The following COL4A6 variants were observed in gnomAD, a reference collection of about 807,000 sequenced individuals.
COL4A6 encodes collagen alpha-6(IV) chain.
Under a neutral mutation model 126.7 loss-of-function variants are expected in COL4A6, and 59 were observed. That is an observed-to-expected ratio of 0.47 (90% CI 0.38 to 0.58). COL4A6 has a LOEUF of 0.58. Among genes scored for constraint, COL4A6 ranks in the 20% least tolerant of loss-of-function variants. COL4A6 has a pLI of 0.00. For missense variants in COL4A6, 1,285 were observed against 1,337.3 expected (o/e 0.96, Z 0.61); for synonymous variants, 547 against 496.6 (o/e 1.10, Z -1.35).
chrX:108,290,507 T>G (rs1308314997), intron 3 of COL4A6, among the ~76,000 whole-genome samples: 2 of 112,506 alleles, frequency 1.8e-5, no homozygotes, highest in African/African-American at 6.5e-5. Flanking sequence ...AGCTAACGTT[T>G]AATGAGTCCT....
chrX:108,427,459 G>A (rs745541762), intron 2 of COL4A6, among the ~76,000 whole-genome samples: 7 of 112,253 alleles, frequency 6.2e-5, no homozygotes, highest in Non-Finnish European at 1.3e-4. Context: ...ATGTCCATCT[G>A]TAGAGACAGG....
intron 4 of COL4A6, 147 bp from the exon 5 acceptor site, chrX:108,219,889 C>G: frequency 2.0e-6 from 1 of 494,985 alleles, no homozygotes. Flanking sequence ...ATTCCTACTG[C>G]AGTTCGAAGT....
At chrX:108,215,434 A>T (rs993584849) in intron 5 of COL4A6, among the ~76,000 whole-genome samples, 7 of 111,367 alleles carry the variant, frequency 6.3e-5, no homozygotes, top group Non-Finnish European at 7.5e-5. Context: ...CAGCTCACTA[A>T]AGTTTGCAAC....
intron 2 of COL4A6, among the ~76,000 whole-genome samples, chrX:108,402,811 T>G (rs907325965): frequency 9.9e-5 from 11 of 111,267 alleles, no homozygotes; most frequent in African/African-American, 1.6e-4. Flanking sequence ...GTTCTAGACG[T>G]ATGGATTTCT....
At chrX:108,174,730 T>G (rs1265664172) in intron 30 of COL4A6, 109 bp from the exon 31 acceptor site, 1 of 679,473 alleles carries the variant, frequency 1.5e-6, no homozygotes, top group Non-Finnish European at 2.2e-6. Context: ...CAGGGAGCAG[T>G]TAGCTTAAAG....
intron 2 of COL4A6, among the ~76,000 whole-genome samples, chrX:108,396,201 GT>G (rs2040959377): frequency 9.0e-6 from 1 of 110,903 alleles, no homozygotes; most frequent in African/African-American, 3.3e-5. Context: ...GGTAAAATCT[GT>G]TTTCCTCAGG....
At chrX:108,198,236 G>A (rs917787720) in intron 13 of COL4A6, among the ~76,000 whole-genome samples, 1 of 111,655 alleles carries the variant, frequency 9.0e-6, no homozygotes, top group African/African-American at 3.3e-5. Flanking sequence ...TTGTTGAACT[G>A]AATGGAATAA....
At chrX:108,322,662 C>T (rs770963552) in intron 2 of COL4A6, among the ~76,000 whole-genome samples, 176 of 112,120 alleles carry the variant, frequency 1.6e-3, no homozygotes, top group African/African-American at 5.3e-3. Context: ...GTTCTTAAAA[C>T]AGAAGCCTCT....
chrX:108,157,353 G>A lies in COL4A6; in HGVS notation c.4813-93C>T, dbSNP rs998854490. On this transcript the variant is annotated intron_variant, in intron 44 of 44. Coordinates refer to ENST00000334504, the MANE Select transcript of COL4A6 (RefSeq NM_033641.4). The stretch of plus-strand genomic sequence containing the variant: ...GCTCCACTGCTACAGGGGCACATGA[G>A]CTCCATTCCTAAGCCCTGGTTCCTT... The A allele has an allele frequency of 6.4e-6, 7 of 1,099,282 alleles. No individual in the cohort carries two copies. In the East Asian group the frequency reaches 1.2e-4, roughly 19 times the overall value. 90.6% of individuals were successfully genotyped at this position (1,099,282 alleles called of 1,213,427 possible).
At chrX:108,249,697 A>AC (rs2036803375) in intron 3 of COL4A6, among the ~76,000 whole-genome samples, 1 of 110,947 alleles carries the variant, frequency 9.0e-6, no homozygotes, top group Non-Finnish European at 1.9e-5. Flanking sequence ...CTTCACATCC[A>AC]CCCCAAAAAT....
At chrX:108,224,783 C>T (rs2036119327) in intron 3 of COL4A6, among the ~76,000 whole-genome samples, 1 of 111,773 alleles carries the variant, frequency 8.9e-6, no homozygotes, top group Non-Finnish European at 1.9e-5. Flanking sequence ...CCTCATTACC[C>T]ATACAGCTAA....
chrX:108,266,807 T>G (rs1181017777), intron 3 of COL4A6, among the ~76,000 whole-genome samples: 1 of 111,498 alleles, frequency 9.0e-6, no homozygotes, highest in Non-Finnish European at 1.9e-5. Context: ...GTAAATCCTA[T>G]GTTTAGGGCA....
At chrX:108,278,516 T>C (rs941261670) in intron 3 of COL4A6, among the ~76,000 whole-genome samples, 10 of 111,099 alleles carry the variant, frequency 9.0e-5, no homozygotes, top group Admixed American at 2.9e-4. Flanking sequence ...CTATGTCTGA[T>C]TGGTGTACCT....
chrX:108,320,020 G>C (rs142195640), intron 2 of COL4A6, among the ~76,000 whole-genome samples: 139 of 111,796 alleles, frequency 1.2e-3, no homozygotes, highest in Admixed American at 4.9e-3. Flanking sequence ...TGGGAAGGCA[G>C]AATACATAGA....
chrX:108,240,714 TCAGAATGC>T (rs1399672256), intron 3 of COL4A6, among the ~76,000 whole-genome samples: 13 of 112,252 alleles, frequency 1.2e-4, no homozygotes, highest in Non-Finnish European at 2.4e-4. Flanking sequence ...GTGAAGCACT[TCAGAATGC>T]TTTGAAAATT....
intron 3 of COL4A6, among the ~76,000 whole-genome samples, chrX:108,264,649 TG>T (rs1334602434): frequency 2.2e-4 from 25 of 111,642 alleles, no homozygotes; most frequent in African/African-American, 7.8e-4. Context: ...AGAAAGAACA[TG>T]GTTTTTTTCT....
At position 108,210,128 on chromosome X, in the gene COL4A6, T is replaced by C. The variant is rs765995616; in HGVS notation, c.511-124A>G. 22 of 624,079 alleles carry C rather than the reference T, an allele frequency of 3.5e-5. No individual in the cohort carries two copies. The African/African-American group carries it at 4.6e-4, about 13-fold the overall frequency. The allele number at this position is 624,079 out of a possible 1,213,427, so 51.4% of individuals were successfully genotyped here. A position where few individuals can be genotyped will look rare whatever the true frequency, so the allele number is the denominator to read the frequency against. ...GAACCTTGGGCCTCCTCTGTCAAAG[T>C]CTTGTGTTTTAAATAATGTATGAAT... On this transcript the variant is annotated intron_variant, in intron 7 of 44. Transcript: ENST00000334504.
At position 108,202,935 on chromosome X, in the gene COL4A6, C is replaced by T; in HGVS notation, c.827G>A (p.Gly276Asp). The T allele has an allele frequency of 8.3e-7, 1 of 1,209,588 alleles. No homozygotes were observed. The highest frequency in any genetic ancestry group is 1.1e-6 in the Non-Finnish European group (1 of 893,819). The change falls in exon 13 of 45, where the codon GGC (glycine) becomes GAC (aspartate). Residue 276 changes from glycine to aspartate, a missense_variant. Gly to Asp is a moderately conservative substitution (Grantham distance 94). Coordinates refer to ENST00000334504, the MANE Select transcript of COL4A6 (RefSeq NM_033641.4). ...TCAAATAGAGAGACTTACCGGGAAG[C>T]CTGGAGGGCCACTTATGCCTGGAAA... ...KGFPGISGPP[G>D]FPGLGTTGEK...
At chrX:108,381,168 A>G (rs1037689274) in intron 2 of COL4A6, among the ~76,000 whole-genome samples, 2 of 111,757 alleles carry the variant, frequency 1.8e-5, no homozygotes, top group South Asian at 3.8e-4. Context: ...TTAGCCCCCA[A>G]TTCCTGAGAA....
Sources: allele counts gnomAD v4.1 joint callset (sites outside exome capture counted in the v4.1 genomes callset), GRCh38; gene constraint gnomAD v4.1.1; transcripts MANE v1.5; gene names NCBI Gene and HGNC (gene_info 2026-07-23, HGNC 2026-07-21).